Variants in RFC3 observed in about 807,000 individuals in gnomAD.
RFC3 encodes the protein replication factor C subunit 3.
A neutral mutation model predicts 45.1 loss-of-function variants in RFC3; 41 were observed. That is an observed-to-expected ratio of 0.91 (90% CI 0.71 to 1.18). RFC3 has a LOEUF of 1.18. Among genes scored for constraint, RFC3 ranks in the 50% most tolerant of loss-of-function variants. RFC3 has a pLI of 0.00. For missense variants in RFC3, 423 were observed against 428.1 expected, an observed-to-expected ratio of 0.99 and a Z score of 0.10; for synonymous variants, 149 against 144.0, an observed-to-expected ratio of 1.03 and a Z score of -0.25.
chr13:33,934,823 A>G (rs2082875957), intron 8 of RFC3, among the ~76,000 whole-genome samples: 1 of 152,042 alleles, frequency 6.6e-6, no homozygotes. Flanking sequence ...CCTTTCTCCT[A>G]TAAGCGTCTC....
At chr13:33,933,588 G>A (rs1001536463) in intron 8 of RFC3, among the ~76,000 whole-genome samples, 2 of 151,990 alleles carry the variant, frequency 1.3e-5, no homozygotes, top group African/African-American at 4.8e-5. Flanking sequence ...ATAATAAATC[G>A]AGATGATAAA....
intron 8 of RFC3, among the ~76,000 whole-genome samples, chr13:33,954,487 G>A (rs1368076119): frequency 6.6e-6 from 1 of 152,204 alleles, no homozygotes; most frequent in Non-Finnish European, 1.5e-5. Flanking sequence ...AAAATTTGAG[G>A]ATAGGGCCAA....
chr13:33,871,485 T>C lies in RFC3; in HGVS notation c.879+36268T>C, dbSNP rs142083923. 8.5e-3 allele frequency among the ~76,000 whole-genome samples: 1,289 copies of C among 152,286 alleles called. 14 individuals are homozygous for C. The highest frequency in any genetic ancestry group is 0.029 in the African/African-American group (1,223 of 41,572). ...CTCTGCTGCCCTCCTGCTGCCCTCT[T>C]CCAACTACCCTTGTGATGACATTGG... On this transcript the variant is annotated intron_variant, in intron 8 of 8. Transcript: ENST00000434425.
At chr13:33,954,214 G>A (rs908437818) in intron 8 of RFC3, among the ~76,000 whole-genome samples, 1 of 152,108 alleles carries the variant, frequency 6.6e-6, no homozygotes, top group Admixed American at 6.5e-5. Context: ...AACAGATTTT[G>A]GGGGAAAAGA....
chr13:33,939,210 A>T (rs531942977), intron 8 of RFC3, among the ~76,000 whole-genome samples: 1 of 152,100 alleles, frequency 6.6e-6, no homozygotes, highest in Non-Finnish European at 1.5e-5. Flanking sequence ...ATGAACAAAT[A>T]TTTTTAATTT....
chr13:33,881,207 T>C (rs1222920719), intron 8 of RFC3, among the ~76,000 whole-genome samples: 1 of 152,226 alleles, frequency 6.6e-6, no homozygotes. Flanking sequence ...AACATATTTT[T>C]AGATGGAATT....
At chr13:33,919,934 C>T (rs1049602838) in intron 8 of RFC3, among the ~76,000 whole-genome samples, 2 of 152,108 alleles carry the variant, frequency 1.3e-5, no homozygotes, top group Non-Finnish European at 2.9e-5. Flanking sequence ...GTCATAACCT[C>T]ATTGGGTTGT....
At chr13:33,839,916 G>C (rs978351758), downstream of RFC3, among the ~76,000 whole-genome samples, 45 of 152,156 alleles carry the variant, frequency 3.0e-4, no homozygotes, top group African/African-American at 1.1e-3. Flanking sequence ...ACTGTAGTTT[G>C]ACAGTTTTTC....
intron 8 of RFC3, among the ~76,000 whole-genome samples, chr13:33,908,597 A>G (rs2183279): frequency 1.4e-5 from 2 of 147,804 alleles, no homozygotes; most frequent in African/African-American, 5.0e-5. Flanking sequence ...GAAAAAGAAC[A>G]CACAGGAGAT....
At chr13:33,837,852 G>T (rs1221871041), downstream of RFC3, among the ~76,000 whole-genome samples, 1 of 151,882 alleles carries the variant, frequency 6.6e-6, no homozygotes, top group East Asian at 1.9e-4. Flanking sequence ...TCTGAGTACT[G>T]ATTAAGCTTT....
intron 8 of RFC3, among the ~76,000 whole-genome samples, chr13:33,940,616 T>A (rs1156610333): frequency 6.6e-6 from 1 of 152,198 alleles, no homozygotes; most frequent in African/African-American, 2.4e-5. Flanking sequence ...TCAAATATTT[T>A]TATGTTTTTA....
chr13:33,837,096 A>G lies in RFC3; in HGVS notation c.*801A>G, dbSNP rs1040302748. 1 of 953,252 alleles carries G rather than the reference A, an allele frequency of 1.0e-6. No individual in the cohort carries two copies. Among genetic ancestry groups the G allele is most frequent in the Non-Finnish European group, 1.2e-6 (1 of 800,816 alleles). The allele number at this position is 953,252 out of a possible 1,614,324, so 59.0% of individuals were successfully genotyped here. Reference sequence around the variant, plus strand: ...CCGAACAATTCCTTTACTACGAAGTATAATTTATAAAATAAAATATACCCA... The same window carrying G: ...CCGAACAATTCCTTTACTACGAAGTGTAATTTATAAAATAAAATATACCCA... On this transcript the variant is annotated 3_prime_UTR_variant, in exon 9 of 9. Transcript: ENST00000380071.
intron 8 of RFC3, among the ~76,000 whole-genome samples, chr13:33,940,797 C>T (rs1210609427): frequency 6.6e-6 from 1 of 152,096 alleles, no homozygotes; most frequent in South Asian, 2.1e-4. Flanking sequence ...TAGTTTAACC[C>T]CATTCATCTA....
chr13:33,951,891 C>G (rs2082993482), intron 8 of RFC3, among the ~76,000 whole-genome samples: 1 of 152,150 alleles, frequency 6.6e-6, no homozygotes, highest in African/African-American at 2.4e-5. Flanking sequence ...TATCTTATAG[C>G]TGAGGAATTT....
intron 8 of RFC3, among the ~76,000 whole-genome samples, chr13:33,858,115 C>A (rs186437650): frequency 2.0e-5 from 3 of 152,240 alleles, no homozygotes; most frequent in African/African-American, 7.2e-5. Context: ...AGATCATAAC[C>A]ATCTCGGAAG....
At chr13:33,832,872 G>C (rs1230787571) in intron 7 of RFC3, among the ~76,000 whole-genome samples, 5 of 152,274 alleles carry the variant, frequency 3.3e-5, no homozygotes, top group Admixed American at 3.3e-4. Flanking sequence ...TTAGGTACTT[G>C]AGGTTGTAAT....
At chr13:33,899,427 A>T (rs9592104) in intron 8 of RFC3, among the ~76,000 whole-genome samples, 150 of 151,938 alleles carry the variant, frequency 9.9e-4, no homozygotes, top group African/African-American at 3.6e-3. Context: ...ACAAAGATTT[A>T]AAAAATATAA....
At chr13:33,931,336 T>TG (rs1830500862) in intron 8 of RFC3, among the ~76,000 whole-genome samples, 1 of 152,122 alleles carries the variant, frequency 6.6e-6, no homozygotes, top group South Asian at 2.1e-4. Context: ...CTAGAGGGGC[T>TG]GTTAAACACA....
intron 8 of RFC3, among the ~76,000 whole-genome samples, chr13:33,958,423 T>C (rs534116127): frequency 6.6e-6 from 1 of 152,336 alleles, no homozygotes; most frequent in African/African-American, 2.4e-5. Context: ...GCTCCTGTTC[T>C]TATAATCAAG....
Sources: allele counts gnomAD v4.1 joint callset (sites outside exome capture counted in the v4.1 genomes callset), GRCh38; gene constraint gnomAD v4.1.1; transcripts MANE v1.5; gene names NCBI Gene and HGNC (gene_info 2026-07-23, HGNC 2026-07-21).